C17orf67: variants seen among roughly 807,000 people sequenced by gnomAD.
The protein encoded by C17orf67 is chromosome 17 open reading frame 67.
Under a neutral mutation model 11.2 loss-of-function variants are expected in C17orf67, and 12 were observed. The ratio of observed to expected loss-of-function variants is 1.07; its 90% CI spans 0.68 to 1.73. C17orf67 has a LOEUF of 1.73. Ranked by LOEUF, C17orf67 falls within the 40% of genes most tolerant of loss-of-function variation. The probability of loss-of-function intolerance (pLI) is 0.00; values close to 1 mark genes in which losing one functional copy is unlikely to be tolerated. For missense variants in C17orf67, 115 were observed against 113.5 expected (o/e 1.01, Z -0.06); for synonymous variants, 59 against 46.9 (o/e 1.26, Z -1.05).
At chr17:56,796,776 C>G (rs921121441) in intron 6 of C17orf67, among the ~76,000 whole-genome samples, 1 of 152,100 alleles carries the variant, frequency 6.6e-6, no homozygotes, top group Non-Finnish European at 1.5e-5. Context: ...CCTCACCCCT[C>G]TCTCTGTCCC....
At chr17:56,796,889 G>A (rs1188335548) in intron 6 of C17orf67, among the ~76,000 whole-genome samples, 1 of 151,806 alleles carries the variant, frequency 6.6e-6, no homozygotes, top group Non-Finnish European at 1.5e-5. Context: ...GGCCCACCAG[G>A]GCCACCTTCC....
chr17:56,815,313 A>G, intron 5 of C17orf67, among the ~76,000 whole-genome samples: 1 of 152,188 alleles, frequency 6.6e-6, no homozygotes. Context: ...TCCTCACTAC[A>G]CTAAATCAAG....
intron 6 of C17orf67, among the ~76,000 whole-genome samples, chr17:56,810,040 T>TCA (rs569439101): frequency 9.4e-6 from 1 of 106,638 alleles, no homozygotes; most frequent in African/African-American, 3.7e-5. Context: ...CATGCATCCC[T>TCA]CACACACACC....
At position 56,815,942 on chromosome 17, in the gene C17orf67, T is replaced by TATCTTTCAGC; in HGVS notation, c.-133_-132insGCTGAAAGAT. ...GGGACTTACGGTATGATGCTGAATG[T>TATCTTTCAGC]ATCTGACTCTGAGCGTTTTAGTAAT... On this transcript the variant is annotated 5_prime_UTR_variant, in exon 5 of 8. In the 5' UTR this introduces an upstream ATG that the reference lacks. Coordinates refer to ENST00000397861, the MANE Select transcript of C17orf67 (RefSeq NM_001085430.4). 6.7e-7 allele frequency: 1 copy of TATCTTTCAGC among 1,501,584 alleles called. No individual in the cohort carries two copies. Among genetic ancestry groups the TATCTTTCAGC allele is most frequent in the Non-Finnish European group, 9.0e-7 (1 of 1,110,748 alleles). 93.0% of individuals were successfully genotyped at this position (1,501,584 alleles called of 1,614,324 possible). A position where few individuals can be genotyped will look rare whatever the true frequency, so the allele number is the denominator to read the frequency against.
intron 4 of C17orf67, among the ~76,000 whole-genome samples, chr17:56,818,504 A>G (rs1453349070): frequency 4.6e-5 from 7 of 152,200 alleles, no homozygotes; most frequent in Admixed American, 3.3e-4. Flanking sequence ...AAGTCTGGAC[A>G]ACAGAACAAG....
chr17:56,805,303 T>C (rs1905418816), intron 6 of C17orf67, among the ~76,000 whole-genome samples: 1 of 152,190 alleles, frequency 6.6e-6, no homozygotes, highest in African/African-American at 2.4e-5. Context: ...GCAGGTGCCA[T>C]GGGAGGAGAA....
At chr17:56,808,713 T>C (rs532415930) in intron 6 of C17orf67, among the ~76,000 whole-genome samples, 1 of 152,374 alleles carries the variant, frequency 6.6e-6, no homozygotes, top group South Asian at 2.1e-4. Context: ...TAGCCCTTTG[T>C]GTGCACGGGC....
At chr17:56,823,668 TA>T (rs371440583) in intron 4 of C17orf67, among the ~76,000 whole-genome samples, 8,358 of 152,190 alleles carry the variant, frequency 0.055, 278 homozygotes, top group Admixed American at 0.1. Context: ...AGGAAAGTTT[TA>T]AAAAAACAAG....
intron 6 of C17orf67, chr17:56,804,081 C>T (rs753063237): frequency 1.4e-4 from 21 of 152,238 alleles, no homozygotes; most frequent in Non-Finnish European, 2.2e-4. Flanking sequence ...ATTCCTTTCT[C>T]CAAGTGGGGG....
chr17:56,830,344 CAA>C (rs745537754), intron 2 of C17orf67, among the ~76,000 whole-genome samples: 1 of 81,364 alleles, frequency 1.2e-5, no homozygotes. Flanking sequence ...GACTCCGTCT[CAA>C]AAAAAAAAAA....
intron 6 of C17orf67, among the ~76,000 whole-genome samples, chr17:56,809,587 A>C: frequency 7.7e-6 from 1 of 129,686 alleles, no homozygotes; most frequent in Non-Finnish European, 1.6e-5. Flanking sequence ...CACCCCTCAC[A>C]CACACCCCTC....
At chr17:56,810,582 C>T (rs937652082) in intron 6 of C17orf67, among the ~76,000 whole-genome samples, 3 of 152,252 alleles carry the variant, frequency 2.0e-5, no homozygotes, top group Non-Finnish European at 4.4e-5. Flanking sequence ...TCTTGGCCTA[C>T]ACTCAGAAAC....
At chr17:56,800,401 T>C (rs1905293293) in intron 6 of C17orf67, among the ~76,000 whole-genome samples, 1 of 152,158 alleles carries the variant, frequency 6.6e-6, no homozygotes, top group Admixed American at 6.5e-5. Flanking sequence ...CCCACGTTGC[T>C]TCTTCACTTA....
chr17:56,829,334 G>A (rs1404099698), intron 2 of C17orf67, among the ~76,000 whole-genome samples: 1 of 152,132 alleles, frequency 6.6e-6, no homozygotes, highest in African/African-American at 2.4e-5. Flanking sequence ...AAGAAGAGAG[G>A]TTTAAAGAAG....
At chr17:56,826,818 T>G (rs189405602) in intron 2 of C17orf67, among the ~76,000 whole-genome samples, 2 of 152,346 alleles carry the variant, frequency 1.3e-5, no homozygotes, top group East Asian at 3.9e-4. Context: ...ACATGAAGCA[T>G]GTTTCTCAAC....
intron 6 of C17orf67, among the ~76,000 whole-genome samples, chr17:56,795,825 C>T (rs1229062607): frequency 1.3e-5 from 2 of 152,114 alleles, no homozygotes; most frequent in Admixed American, 6.5e-5. Context: ...CAGCAGAGAA[C>T]ATAAATTATA....
intron 7 of C17orf67, among the ~76,000 whole-genome samples, chr17:56,792,936 GTGA>G (rs1235653372): frequency 9.0e-6 from 1 of 110,778 alleles, no homozygotes; most frequent in African/African-American, 3.5e-5. Flanking sequence ...GTGGGTAATG[GTGA>G]TGATGGTGGC....
In C17orf67 at chr17:56,795,044, C is replaced by T. The variant is rs756517550; in HGVS notation, c.*20G>A. 9.4e-6 allele frequency: 15 copies of T among 1,596,992 alleles called. No homozygotes were observed. The highest frequency in any genetic ancestry group is 1.7e-5 in the Admixed American group (1 of 59,960). On this transcript the variant is annotated splice_region_variant and 3_prime_UTR_variant, in exon 7 of 8. Coordinates refer to ENST00000397861, the MANE Select transcript of C17orf67 (RefSeq NM_001085430.4). ...GTCCGGGAGAGAGAAGGAGACGTAC[C>T]GAGGCTGGTCCTGATCCCCTTACAC...
Position 56,815,998 on chromosome 17 carries a change from G to A in C17orf67, c.-188C>T. 1 of 1,231,426 alleles carries A rather than the reference G, an allele frequency of 8.1e-7. No homozygotes were observed. The highest frequency in any genetic ancestry group is 1.5e-5 in the African/African-American group (1 of 67,214). 76.3% of individuals were successfully genotyped at this position (1,231,426 alleles called of 1,614,324 possible). A position where few individuals can be genotyped will look rare whatever the true frequency, so the allele number is the denominator to read the frequency against. ...CTGAAATATTTTCCTCCGAATTCCT[G>A]TAAATTTTCATCCTGAGGAAGGAAA... On this transcript the variant is annotated 5_prime_UTR_variant, in exon 5 of 8. Transcript: ENST00000397861.
Sources: gnomAD v4.1 joint callset for allele counts (sites outside exome capture counted in the v4.1 genomes callset) on GRCh38, gnomAD v4.1.1 for gene constraint, MANE v1.5 for transcripts, NCBI Gene and HGNC (gene_info 2026-07-23, HGNC 2026-07-21) for gene names.